Variants in GABRG3 observed in about 807,000 individuals in gnomAD.
The protein encoded by GABRG3 is gamma-aminobutyric acid receptor subunit gamma-3.
Under a neutral mutation model 48.8 loss-of-function variants are expected in GABRG3, and 25 were observed. The observed-to-expected ratio is 0.51, with a 90% confidence interval of 0.37 to 0.72. The LOEUF is 0.72. Ranked by LOEUF, GABRG3 falls within the 30% of genes least tolerant of loss-of-function variation. The probability of loss-of-function intolerance (pLI) is 0.00; values close to 1 mark genes in which losing one functional copy is unlikely to be tolerated. For synonymous variants in GABRG3, 227 were observed against 217.6 expected, an observed-to-expected ratio of 1.04 and a Z score of -0.38; for missense variants, 394 against 577.9, an observed-to-expected ratio of 0.68 and a Z score of 3.26.
intron 3 of GABRG3, among the ~76,000 whole-genome samples, chr15:27,166,069 T>C (rs1887361350): frequency 1.3e-5 from 2 of 152,094 alleles, no homozygotes; most frequent in South Asian, 4.1e-4. Flanking sequence ...ATTACGTCTT[T>C]AGGCAATGCG....
intron 3 of GABRG3, among the ~76,000 whole-genome samples, chr15:27,149,300 T>C (rs1199278573): frequency 6.6e-6 from 1 of 152,178 alleles, no homozygotes. Context: ...GTATAAGACT[T>C]GTATACTAGG....
intron 2 of GABRG3, among the ~76,000 whole-genome samples, chr15:27,016,262 A>G (rs1267400463): frequency 6.7e-6 from 1 of 148,686 alleles, no homozygotes; most frequent in Non-Finnish European, 1.5e-5. Context: ...TTTGAGAGAA[A>G]GTCTCACTCT....
intron 3 of GABRG3, among the ~76,000 whole-genome samples, chr15:27,292,638 G>A (rs893847020): frequency 1.3e-5 from 2 of 151,600 alleles, no homozygotes; most frequent in Non-Finnish European, 2.9e-5. Context: ...AAGTATAATG[G>A]GCATCTTTCT....
intron 3 of GABRG3, among the ~76,000 whole-genome samples, chr15:27,202,192 G>T (rs1250443723): frequency 6.6e-6 from 1 of 151,996 alleles, no homozygotes; most frequent in East Asian, 1.9e-4. Context: ...CCTATACAAA[G>T]ACATATACCC....
At chr15:27,175,743 C>A (rs548610781) in intron 3 of GABRG3, among the ~76,000 whole-genome samples, 1 of 152,186 alleles carries the variant, frequency 6.6e-6, no homozygotes, top group African/African-American at 2.4e-5. Context: ...AGAGCAGATG[C>A]CTGCATTCTT....
At chr15:27,290,645 G>A (rs1891765930) in intron 3 of GABRG3, among the ~76,000 whole-genome samples, 1 of 152,138 alleles carries the variant, frequency 6.6e-6, no homozygotes, top group Non-Finnish European at 1.5e-5. Flanking sequence ...GTCCTGACTA[G>A]TACCCCTCAA....
Position 27,447,759 on chromosome 15 carries a change from A to C in GABRG3, c.575-32891A>C, listed in dbSNP as rs12906534. Among the ~76,000 whole-genome samples, 38,823 of 152,096 alleles carry C rather than the reference A, an allele frequency of 0.26. 7,189 individuals are homozygous for C. Among genetic ancestry groups the C allele is most frequent in the African/African-American group, 0.5 (20,637 of 41,428 alleles). The stretch of plus-strand genomic sequence containing the variant: ...AGCAGACTAATACAAGAATAGAAAA[A>C]CAAACACTGCATGTTCTCACTCATA... On this transcript the variant is annotated intron_variant, in intron 5 of 9. Transcript: ENST00000615808. The surrounding 1 kb of genome is among the most constrained non-coding windows in gnomAD (Gnocchi z 4.0).
intron 6 of GABRG3, among the ~76,000 whole-genome samples, chr15:27,516,549 G>A (rs79253411): frequency 0.021 from 3,178 of 152,258 alleles, 70 homozygotes; most frequent in East Asian, 0.099. Flanking sequence ...TGTCCAAGAT[G>A]GGCAGCAATC....
At chr15:27,278,804 G>A (rs541269879) in intron 3 of GABRG3, among the ~76,000 whole-genome samples, 16 of 152,286 alleles carry the variant, frequency 1.1e-4, no homozygotes, top group Admixed American at 2.0e-4. Context: ...AAAGCCAAGA[G>A]TGTAATTTCT....
At chr15:27,206,163 C>G (rs1888845243) in intron 3 of GABRG3, among the ~76,000 whole-genome samples, 1 of 152,118 alleles carries the variant, frequency 6.6e-6, no homozygotes, top group Admixed American at 6.6e-5. Flanking sequence ...AATTTGAGAT[C>G]TTTCTAACTT....
At chr15:27,306,967 A>T (rs1186126177) in intron 3 of GABRG3, among the ~76,000 whole-genome samples, 1 of 125,032 alleles carries the variant, frequency 8.0e-6, no homozygotes, top group Non-Finnish European at 1.6e-5. Flanking sequence ...ATGTTTATAT[A>T]TAAACATATA....
At chr15:27,320,072 G>A (rs923677084) in intron 3 of GABRG3, among the ~76,000 whole-genome samples, 3 of 152,152 alleles carry the variant, frequency 2.0e-5, no homozygotes, top group Non-Finnish European at 2.9e-5. Context: ...CCTAGCCAGA[G>A]GCAAACTTAC....
intron 6 of GABRG3, among the ~76,000 whole-genome samples, chr15:27,492,320 A>G (rs1407101397): frequency 2.0e-5 from 3 of 152,216 alleles, no homozygotes; most frequent in African/African-American, 7.2e-5. Flanking sequence ...CACAGATAAA[A>G]GGAGCATAAA....
rs981256205 is a variant in GABRG3 at position 27,447,601 on chromosome 15, G to C, written c.575-33049G>C. On this transcript the variant is annotated intron_variant, in intron 5 of 9. Transcript: ENST00000615808. The surrounding 1 kb of genome is among the most constrained non-coding windows in gnomAD (Gnocchi z 4.0). ...ACAGATTTGACACAGACCTACACATGCTGATGATGAGATAAAAGGACTGGA... is the reference window on the plus strand; with the variant it reads ...ACAGATTTGACACAGACCTACACATCCTGATGATGAGATAAAAGGACTGGA... 2.6e-5 allele frequency among the ~76,000 whole-genome samples: 4 copies of C among 152,120 alleles called. No homozygotes were observed. The highest frequency in any genetic ancestry group is 5.9e-5 in the Non-Finnish European group (4 of 68,032).
At position 26,977,159 on chromosome 15, in the gene GABRG3, T is replaced by A; in HGVS notation, c.202+9T>A. On this transcript the variant is annotated intron_variant, in intron 2 of 9. Transcript: ENST00000615808. ...GAGGCCAGATATTGGAAGTGAGTGT[T>A]GTTTTTTGTTATTCTAATAGAAAAA... is the stretch of plus-strand genomic sequence containing the variant. 1 of 1,604,560 alleles carries A rather than the reference T, an allele frequency of 6.2e-7. No individual in the cohort carries two copies. The highest frequency in any genetic ancestry group is 8.5e-7 in the Non-Finnish European group (1 of 1,175,648).
chr15:27,416,981 A>T lies in GABRG3; in HGVS notation c.575-63669A>T, dbSNP rs550868470. ...TGGAAATGACTTAAATGTTCAATGA[A>T]GGGTGGCTGTTTAATAAAATAAAGT... On this transcript the variant is annotated intron_variant, in intron 5 of 9. Coordinates refer to ENST00000615808, the MANE Select transcript of GABRG3 (RefSeq NM_033223.5). Among the ~76,000 whole-genome samples, 3 of 152,376 alleles carry T rather than the reference A, an allele frequency of 2.0e-5. No homozygotes were observed. The South Asian group carries it at 6.2e-4, about 32-fold the overall frequency.
intron 5 of GABRG3, among the ~76,000 whole-genome samples, chr15:27,480,423 C>A (rs1890071037): frequency 6.6e-6 from 1 of 152,148 alleles, no homozygotes; most frequent in Admixed American, 6.5e-5. Flanking sequence ...GTGGCCAGGC[C>A]TATGCAGTGG....
chr15:27,414,927 T>C (rs1221090603), intron 5 of GABRG3, among the ~76,000 whole-genome samples: 1 of 152,300 alleles, frequency 6.6e-6, no homozygotes, highest in Middle Eastern at 3.4e-3. Context: ...TTCTTTATCT[T>C]TGATTTTCGG....
At chr15:27,374,915 G>A (rs1233838345) in intron 5 of GABRG3, among the ~76,000 whole-genome samples, 2 of 152,124 alleles carry the variant, frequency 1.3e-5, no homozygotes, top group African/African-American at 2.4e-5. Context: ...GGAAAAAATG[G>A]CATGCAAATT....
Sources: allele counts gnomAD v4.1 joint callset (sites outside exome capture counted in the v4.1 genomes callset), GRCh38; gene constraint gnomAD v4.1.1; non-coding constraint Gnocchi (gnomAD v3.1); transcripts MANE v1.5; gene names NCBI Gene and HGNC (gene_info 2026-07-23, HGNC 2026-07-21).